Variants in MGAM2 observed in about 807,000 individuals in gnomAD.
MGAM2 encodes probable maltase-glucoamylase 2.
MGAM2 carries 98 observed loss-of-function variants against 96.1 expected under a neutral mutation model. The ratio of observed to expected loss-of-function variants is 1.02; its 90% CI spans 0.87 to 1.21. The LOEUF (loss-of-function observed/expected upper bound fraction) is 1.21, where lower values mean the gene tolerates loss of function less well. Ranked by LOEUF, MGAM2 falls within the 50% of genes most tolerant of loss-of-function variation. The pLI, the probability that MGAM2 is intolerant of heterozygous loss-of-function variation, is 0.00. For synonymous variants in MGAM2, 749 were observed against 414.8 expected (o/e 1.81, Z -9.79); for missense variants, 2,055 against 1,182.4 (o/e 1.74, Z -10.82).
At chr7:142,129,630 G>A (rs947970671) in intron 3 of MGAM2, among the ~76,000 whole-genome samples, 1 of 151,648 alleles carries the variant, frequency 6.6e-6, no homozygotes, top group African/African-American at 2.4e-5. Flanking sequence ...TTCGAGACTA[G>A]CCTGGCCAAC....
At chr7:142,166,451 C>T (rs1051532309) in intron 25 of MGAM2, among the ~76,000 whole-genome samples, 198 bp downstream of exon 25, 1 of 152,274 alleles carries the variant, frequency 6.6e-6, no homozygotes, top group Admixed American at 6.5e-5. Context: ...CATTGCCACT[C>T]CAACCATATC....
At chr7:142,208,415 A>C in intron 45 of MGAM2, 158 bp from the exon 46 acceptor site, 1 of 655,874 alleles carries the variant, frequency 1.5e-6, no homozygotes, top group Non-Finnish European at 2.8e-6. Context: ...ATGCAGTGAA[A>C]TAGTCTCTTA....
intron 37 of MGAM2, among the ~76,000 whole-genome samples, chr7:142,192,048 G>A (rs1482528776): frequency 1.3e-5 from 2 of 152,116 alleles, no homozygotes; most frequent in Non-Finnish European, 2.9e-5. Flanking sequence ...CCAGGACAGA[G>A]TGTGATCTTT....
intron 15 of MGAM2, among the ~76,000 whole-genome samples, chr7:142,149,246 A>T (rs73158441): frequency 0.09 from 13,667 of 151,852 alleles, 639 homozygotes; most frequent in Middle Eastern, 0.12. Flanking sequence ...AAAATAAAAA[A>T]AGATACTTCT....
At chr7:142,219,485 A>G (rs1004077636) in intron 47 of MGAM2, among the ~76,000 whole-genome samples, 5 of 152,202 alleles carry the variant, frequency 3.3e-5, no homozygotes, top group African/African-American at 9.6e-5. Context: ...TCTGATGCCT[A>G]TTATGTGCCA....
chr7:142,201,673 T>C (rs1797238685), intron 45 of MGAM2, among the ~76,000 whole-genome samples: 1 of 152,214 alleles, frequency 6.6e-6, no homozygotes, highest in African/African-American at 2.4e-5. Context: ...GTTGCATCTG[T>C]ATTGACCATG....
At chr7:142,116,672 T>C (rs1372204239) in intron 1 of MGAM2, among the ~76,000 whole-genome samples, 1 of 152,224 alleles carries the variant, frequency 6.6e-6, no homozygotes, top group Non-Finnish European at 1.5e-5. Flanking sequence ...AGGCAAGAGC[T>C]CTACAGGTGT....
Position 142,120,315 on chromosome 7 carries a change from T to G in MGAM2, c.120T>G (p.Thr40=). ...ATTCCTATGCAGATACTTCATTTAC[T>G]CCAGAGTGCCCAGAGATTCCCCAGT... ...VLEETSDTSF[T]PECPEIPQSE... The change falls in exon 3 of 48, where the codon ACT becomes ACG. Residue 40 remains threonine, a synonymous_variant. Transcript: ENST00000477922. The G allele has an allele frequency of 1.4e-6, 1 of 703,064 alleles. No homozygotes were observed. The allele number at this position is 703,064 out of a possible 1,614,324, so 43.6% of individuals were successfully genotyped here.
intron 32 of MGAM2, among the ~76,000 whole-genome samples, chr7:142,178,608 G>T (rs995463094): frequency 2.6e-5 from 4 of 152,072 alleles, no homozygotes; most frequent in Admixed American, 2.6e-4. Context: ...TATTAATAAA[G>T]AATTCTTTCC....
chr7:142,199,523 G>A (rs1447203159), intron 44 of MGAM2, among the ~76,000 whole-genome samples: 2 of 152,190 alleles, frequency 1.3e-5, no homozygotes, highest in Non-Finnish European at 2.9e-5. Context: ...AGATCCTGGA[G>A]GGTGGTGAAT....
chr7:142,165,960 TTCTGAATA>T (rs1417543112), intron 24 of MGAM2, 130 bp from the exon 25 acceptor site: 2 of 565,488 alleles, frequency 3.5e-6, no homozygotes, highest in Non-Finnish European at 6.3e-6. Flanking sequence ...ATCAGCCAAG[TTCTGAATA>T]TCTCATGGCA....
chr7:142,166,059 C>T (rs748771598), intron 24 of MGAM2, 39 bp from the exon 25 acceptor site: 2 of 637,556 alleles, frequency 3.1e-6, no homozygotes, highest in East Asian at 5.7e-5. Flanking sequence ...GGTGGCTTTC[C>T]CTCCCTTCCT....
chr7:142,148,707 G>C lies in MGAM2; in HGVS notation c.1634+1134G>C, dbSNP rs1226501559. On this transcript the variant is annotated intron_variant, in intron 15 of 47. Transcript: ENST00000477922. This position sits in a 1 kb window ranked among gnomAD's most constrained non-coding sequence, Gnocchi z 4.2. ...TTGCAGCACAGATGCGGAAACTAAA[G>C]AGCTGCTGTGGATCCTCCAGTGGCT... Among the ~76,000 whole-genome samples, 1 of 152,202 alleles carries C rather than the reference G, an allele frequency of 6.6e-6. No homozygotes were observed. The highest frequency in any genetic ancestry group is 2.4e-5 in the African/African-American group (1 of 41,454).
In MGAM2 at chr7:142,208,627, G is replaced by C. The variant is rs1179189878; in HGVS notation, c.5187+5G>C. On this transcript the variant is annotated splice_donor_5th_base_variant and intron_variant, in intron 46 of 47. Coordinates refer to ENST00000477922, the MANE Select transcript of MGAM2 (RefSeq NM_001293626.2). ...GCAAACTTTATAGCAGCTCAGGTAA[G>C]ACTAATTTACTACATTTTACAAATC... The C allele has an allele frequency of 5.7e-6, 4 of 702,394 alleles. No homozygotes were observed. Among genetic ancestry groups the C allele is most frequent in the Non-Finnish European group, 1.0e-5 (4 of 384,788 alleles). The allele number at this position is 702,394 out of a possible 1,614,324, so 43.5% of individuals were successfully genotyped here.
In MGAM2 at chr7:142,188,695, AG is replaced by A. The variant is rs551983511; in HGVS notation, c.4208-671del. On this transcript the variant is annotated intron_variant, in intron 36 of 47. Coordinates refer to ENST00000477922, the MANE Select transcript of MGAM2 (RefSeq NM_001293626.2). ...GGTAAGAAAGTGACATGCATTCAGT[AG>A]AAACCGAACTTTGAGAGCCCAAATA... 1.2e-4 allele frequency among the ~76,000 whole-genome samples: 18 copies of A among 152,372 alleles called. No individual in the cohort carries two copies. The South Asian group carries it at 3.7e-3, about 32-fold the overall frequency.
chr7:142,219,804 A>C, intron 47 of MGAM2, 66 bp from the exon 48 acceptor site: 4 of 615,030 alleles, frequency 6.5e-6, no homozygotes, highest in Non-Finnish European at 8.7e-6. Context: ...GTAATTTAAG[A>C]GGTGAGCTAC....
intron 15 of MGAM2, among the ~76,000 whole-genome samples, chr7:142,153,517 G>T (rs1795646625): frequency 6.6e-6 from 1 of 152,166 alleles, no homozygotes; most frequent in African/African-American, 2.4e-5. Flanking sequence ...AGGAAGCCAG[G>T]GATAAGTTCT....
At chr7:142,197,201 A>T (rs1325439776) in intron 40 of MGAM2, among the ~76,000 whole-genome samples, 199 bp from the exon 41 acceptor site, 1 of 152,232 alleles carries the variant, frequency 6.6e-6, no homozygotes, top group African/African-American at 2.4e-5. Flanking sequence ...CCAGGGACTT[A>T]GGAATCAGTG....
At chr7:142,142,312 T>C (rs1405858957) in intron 12 of MGAM2, among the ~76,000 whole-genome samples, 9 of 152,176 alleles carry the variant, frequency 5.9e-5, no homozygotes, top group African/African-American at 1.9e-4. Context: ...GAGTCCATAG[T>C]CAAATAAAAA....
Sources: gnomAD v4.1 joint callset for allele counts (sites outside exome capture counted in the v4.1 genomes callset) on GRCh38, gnomAD v4.1.1 for gene constraint, Gnocchi (gnomAD v3.1) non-coding constraint, MANE v1.5 for transcripts, NCBI Gene and HGNC (gene_info 2026-07-23, HGNC 2026-07-21) for gene names.